TM7SF3: variants seen among roughly 807,000 people sequenced by gnomAD.
The protein encoded by TM7SF3 is transmembrane 7 superfamily member 3, also known as seven span transmembrane protein.
Under a neutral mutation model 65.5 loss-of-function variants are expected in TM7SF3, and 60 were observed. The ratio of observed to expected loss-of-function variants is 0.92; its 90% confidence interval spans 0.74 to 1.14. The LOEUF is 1.14. TM7SF3 is among the 50% of genes most tolerant of loss of function. The pLI, the probability that TM7SF3 is intolerant of heterozygous loss-of-function variation, is 0.00. For missense variants in TM7SF3, 623 were observed against 684.8 expected, an observed-to-expected ratio of 0.91 and a Z score of 1.01; for synonymous variants, 264 against 259.6, an observed-to-expected ratio of 1.02 and a Z score of -0.16.
intron 1 of TM7SF3, among the ~76,000 whole-genome samples, chr12:27,006,498 T>G (rs1160159338): frequency 1.3e-5 from 2 of 152,120 alleles, no homozygotes; most frequent in East Asian, 3.8e-4. Context: ...AGGGACAAAA[T>G]GGGACATTCT....
chr12:27,014,300 G>A lies in TM7SF3; in HGVS notation c.-132C>T. On this transcript the variant is annotated 5_prime_UTR_variant, in exon 1 of 12. Transcript: ENST00000343028. ...GCGCCATCGCCCGCCAGGTGCAGAC[G>A]CTTCGCACCTGCCAGCTCCGCAGCC... 1 of 644,492 alleles carries A rather than the reference G, an allele frequency of 1.6e-6. No homozygotes were observed. Among genetic ancestry groups the A allele is most frequent in the Non-Finnish European group, 2.4e-6 (1 of 423,356 alleles). The allele number at this position is 644,492 out of a possible 1,614,324, so 39.9% of individuals were successfully genotyped here. A position where few individuals can be genotyped will look rare whatever the true frequency, so the allele number is the denominator to read the frequency against.
chr12:26,992,864 T>C (rs1552257), intron 5 of TM7SF3, among the ~76,000 whole-genome samples: 34,240 of 151,222 alleles, frequency 0.23, 4,090 homozygotes, highest in East Asian at 0.38. Context: ...AAATGAATAA[T>C]TTCTTATTAG....
chr12:26,998,660 C>T (rs1296853791), intron 3 of TM7SF3, among the ~76,000 whole-genome samples: 4 of 152,194 alleles, frequency 2.6e-5, no homozygotes. Context: ...CTCCATCCCG[C>T]CTCTCATGGC....
chr12:26,986,112 G>A (rs901562041), intron 6 of TM7SF3, among the ~76,000 whole-genome samples: 4 of 151,988 alleles, frequency 2.6e-5, no homozygotes, highest in Non-Finnish European at 4.4e-5. Context: ...ACAGGCGTGA[G>A]CCACCGCACC....
intron 1 of TM7SF3, among the ~76,000 whole-genome samples, chr12:27,005,652 A>T (rs983776643): frequency 7.2e-5 from 11 of 152,162 alleles, no homozygotes; most frequent in African/African-American, 2.4e-4. Context: ...ATGAATCACA[A>T]CTCAAAAATA....
At chr12:27,010,974 T>C (rs1293029852) in intron 1 of TM7SF3, among the ~76,000 whole-genome samples, 1 of 152,234 alleles carries the variant, frequency 6.6e-6, no homozygotes, top group Non-Finnish European at 1.5e-5. Context: ...TTCTACTGTT[T>C]GTGTTTCAAC....
At chr12:26,990,924 G>A (rs369486795) in intron 5 of TM7SF3, among the ~76,000 whole-genome samples, 3 of 152,074 alleles carry the variant, frequency 2.0e-5, no homozygotes, top group East Asian at 3.8e-4. Context: ...TTTCACCTCT[G>A]CTAGACTATA....
At position 27,014,174 on chromosome 12, in the gene TM7SF3, C is replaced by T. The variant is rs750426170; in HGVS notation, c.-6G>A. ...AGCAGCTGCAGGAACCCCATTGCTG[C>T]CTGGGCCGGGCTGGGCCCACGCCAG... On this transcript the variant is annotated 5_prime_UTR_variant, in exon 1 of 12. Transcript: ENST00000343028. 3.2e-6 allele frequency: 5 copies of T among 1,554,688 alleles called. No individual in the cohort carries two copies. Among genetic ancestry groups the T allele is most frequent in the Admixed American group, 2.0e-5 (1 of 51,228 alleles).
At chr12:26,978,364 GT>G (rs1939661875) in intron 9 of TM7SF3, 2 of 154,636 alleles carry the variant, frequency 1.3e-5, no homozygotes, top group African/African-American at 4.8e-5. Flanking sequence ...ATGGAACAAA[GT>G]TTCAATACAT....
intron 1 of TM7SF3, among the ~76,000 whole-genome samples, chr12:27,010,094 C>A (rs1045325874): frequency 6.6e-6 from 1 of 152,190 alleles, no homozygotes; most frequent in African/African-American, 2.4e-5. Flanking sequence ...TGACCTCAGG[C>A]AAGTAATGTA....
intron 1 of TM7SF3, among the ~76,000 whole-genome samples, chr12:27,008,615 T>C (rs146322180): frequency 3.9e-5 from 6 of 152,194 alleles, no homozygotes; most frequent in African/African-American, 1.4e-4. Flanking sequence ...TGAAGATACA[T>C]TCCCATGTTA....
Position 27,014,211 on chromosome 12 carries a change from G to C in TM7SF3, c.-43C>G. 5 of 1,536,180 alleles carry C rather than the reference G, an allele frequency of 3.3e-6. No individual in the cohort carries two copies. Among genetic ancestry groups the C allele is most frequent in the Non-Finnish European group, 4.4e-6 (5 of 1,137,852 alleles). On this transcript the variant is annotated 5_prime_UTR_variant, in exon 1 of 12. Transcript: ENST00000343028. Reference sequence around the variant, plus strand: ...TGGGCCCACGCCAGGGCTGGGGAGAGGTGCGGGCGTGCGCGCCGGGGCCCC... The same window carrying C: ...TGGGCCCACGCCAGGGCTGGGGAGACGTGCGGGCGTGCGCGCCGGGGCCCC...
chr12:27,000,695 G>A (rs923990578), intron 2 of TM7SF3, among the ~76,000 whole-genome samples: 39 of 152,110 alleles, frequency 2.6e-4, no homozygotes, highest in African/African-American at 9.2e-4. Context: ...TCCTGACCTC[G>A]TGATCCGCCA....
chr12:26,990,776 AGG>A (rs1940321025), intron 5 of TM7SF3, 149 bp from the exon 6 acceptor site: 1 of 577,088 alleles, frequency 1.7e-6, no homozygotes, highest in Non-Finnish European at 2.9e-6. Flanking sequence ...TATGGTCAAA[AGG>A]CCATCTTACA....
At position 26,990,571 on chromosome 12, in the gene TM7SF3, T is replaced by C; in HGVS notation, c.747A>G (p.Gly249=). 1 of 1,614,122 alleles carries C rather than the reference T, an allele frequency of 6.2e-7. No homozygotes were observed. ...KTSVSFSSLP[G]QGVIYNVIVW... ...CAATGACATTGTATATGACACCTTG[T>C]CCCGGGAGGGAGGAGAAGGAAACAC... Residue 249 remains glycine, a synonymous_variant, in exon 6 of 12, where the codon GGA becomes GGG. Coordinates refer to ENST00000343028, the MANE Select transcript of TM7SF3 (RefSeq NM_016551.3).
chr12:27,006,977 T>C (rs1168172833), intron 1 of TM7SF3, among the ~76,000 whole-genome samples: 1 of 152,188 alleles, frequency 6.6e-6, no homozygotes, highest in Non-Finnish European at 1.5e-5. Flanking sequence ...AATAAATCTA[T>C]TTGAGAGAGT....
At chr12:26,999,411 G>C in intron 3 of TM7SF3, 115 bp downstream of exon 3, 2 of 1,158,348 alleles carry the variant, frequency 1.7e-6, no homozygotes, top group Non-Finnish European at 2.4e-6. Context: ...AAAAAAATCC[G>C]ATTATATAAA....
At chr12:27,005,045 C>T (rs1940977032) in intron 1 of TM7SF3, among the ~76,000 whole-genome samples, 1 of 152,028 alleles carries the variant, frequency 6.6e-6, no homozygotes, top group African/African-American at 2.4e-5. Flanking sequence ...TTTTCCAGGC[C>T]TTCCCATTAT....
rs1243115823 is a variant in TM7SF3, at chr12:27,014,261, G to C, written c.-93C>G. On this transcript the variant is annotated 5_prime_UTR_variant, in exon 1 of 12. Transcript: ENST00000343028. Reference sequence around the variant, plus strand: ...CGCAGCCTCGCCCACGCTATCCCGGGGCGCCCGCATCGGGCGCCATCGCCC... The same window carrying C: ...CGCAGCCTCGCCCACGCTATCCCGGCGCGCCCGCATCGGGCGCCATCGCCC... The C allele has an allele frequency of 8.2e-6, 10 of 1,226,924 alleles. No homozygotes were observed. The highest frequency in any genetic ancestry group is 9.8e-6 in the Non-Finnish European group (9 of 920,878). The allele number at this position is 1,226,924 out of a possible 1,614,324, so 76.0% of individuals were successfully genotyped here. A position where few individuals can be genotyped will look rare whatever the true frequency, so the allele number is the denominator to read the frequency against.
Sources: allele counts gnomAD v4.1 joint callset (sites outside exome capture counted in the v4.1 genomes callset), GRCh38; gene constraint gnomAD v4.1.1; transcripts MANE v1.5; gene names NCBI Gene and HGNC (gene_info 2026-07-23, HGNC 2026-07-21).